The following CCDC102B variants were observed in gnomAD, a reference collection of about 807,000 sequenced individuals.
CCDC102B encodes the protein coiled-coil domain containing 102B, also known as coiled-coil domain-containing protein 102B.
A neutral mutation model predicts 57.4 loss-of-function variants in CCDC102B; 75 were observed. The observed-to-expected ratio is 1.31, with a 90% confidence interval of 1.08 to 1.58. CCDC102B has a LOEUF of 1.58. CCDC102B is among the 40% of genes most tolerant of loss of function. The probability of loss-of-function intolerance (pLI) is 0.00; values close to 1 mark genes in which losing one functional copy is unlikely to be tolerated. For missense variants in CCDC102B, 636 were observed against 582.6 expected (o/e 1.09, Z -0.94); for synonymous variants, 206 against 201.9 (o/e 1.02, Z -0.17).
chr18:68,940,851 C>G (rs1204258677), intron 6 of CCDC102B, among the ~76,000 whole-genome samples: 1 of 151,598 alleles, frequency 6.6e-6, no homozygotes, highest in Non-Finnish European at 1.5e-5. Flanking sequence ...AATGAAATAC[C>G]TTTGTCAGAA....
chr18:68,727,592 G>A (rs886618905), intron 2 of CCDC102B, among the ~76,000 whole-genome samples: 6 of 152,232 alleles, frequency 3.9e-5, no homozygotes, highest in African/African-American at 7.2e-5. Context: ...AGGACTTTCT[G>A]AAAAGCCATC....
chr18:68,998,989 TATATATATATAGAGAG>T (rs1277758807), intron 6 of CCDC102B, among the ~76,000 whole-genome samples: 815 of 74,994 alleles, frequency 0.011, 2 homozygotes, highest in Non-Finnish European at 0.012. Context: ...TATATATATA[TATATATATATAGAGAG>T]AGAGAGAGAG....
chr18:69,032,684 G>C (rs1317366750), intron 7 of CCDC102B, among the ~76,000 whole-genome samples: 2 of 152,112 alleles, frequency 1.3e-5, no homozygotes, highest in African/African-American at 2.4e-5. Flanking sequence ...TACTTCTACT[G>C]CAAGTGATCT....
At chr18:68,837,481 C>A in intron 2 of CCDC102B, 112 bp downstream of exon 2, 2 of 942,684 alleles carry the variant, frequency 2.1e-6, no homozygotes, top group South Asian at 1.6e-5. Context: ...CCAGGGCTAC[C>A]ATAACAAAGT....
At chr18:68,973,367 T>C (rs1227498765) in intron 6 of CCDC102B, among the ~76,000 whole-genome samples, 1 of 152,124 alleles carries the variant, frequency 6.6e-6, no homozygotes, top group Non-Finnish European at 1.5e-5. Flanking sequence ...TAAATCAATT[T>C]TGTTTTTGTT....
chr18:69,056,112 T>A (rs568023673), downstream of CCDC102B, among the ~76,000 whole-genome samples: 1 of 152,116 alleles, frequency 6.6e-6, no homozygotes, highest in Admixed American at 6.6e-5. Flanking sequence ...ATGACGAAGT[T>A]GAGATGTGAT....
intron 2 of CCDC102B, among the ~76,000 whole-genome samples, chr18:68,837,987 G>A (rs1298028540): frequency 6.6e-6 from 1 of 152,166 alleles, no homozygotes; most frequent in Non-Finnish European, 1.5e-5. Flanking sequence ...TAAAATAAAA[G>A]TGAAGTATCA....
intron 1 of CCDC102B, among the ~76,000 whole-genome samples, chr18:68,812,358 T>C (rs1263240787): frequency 6.6e-6 from 1 of 152,202 alleles, no homozygotes; most frequent in Non-Finnish European, 1.5e-5. Context: ...AACTAAAGAC[T>C]CTACTTCAGA....
At chr18:68,827,188 A>C (rs1454398831) in intron 1 of CCDC102B, among the ~76,000 whole-genome samples, 1 of 152,136 alleles carries the variant, frequency 6.6e-6, no homozygotes, top group Non-Finnish European at 1.5e-5. Flanking sequence ...AAATTCTATA[A>C]ACAGAAACAA....
At position 68,891,095 on chromosome 18, in the gene CCDC102B, T is replaced by C. The variant is rs578087210; in HGVS notation, c.1054-6124T>C. ...TTATCTGTATCTCTTTTAAACTGTTTCCTAATAATGTTAATGCATGTGGTT... is the reference window on the plus strand; with the variant it reads ...TTATCTGTATCTCTTTTAAACTGTTCCCTAATAATGTTAATGCATGTGGTT... On this transcript the variant is annotated intron_variant, in intron 5 of 7. Transcript: ENST00000360242. 8.0e-4 allele frequency among the ~76,000 whole-genome samples: 122 copies of C among 152,320 alleles called. 1 individual carries two copies. Among genetic ancestry groups the C allele is most frequent in the African/African-American group, 2.7e-3 (111 of 41,590 alleles).
At chr18:68,765,293 A>G (rs867951881) in intron 2 of CCDC102B, among the ~76,000 whole-genome samples, 257 of 104,136 alleles carry the variant, frequency 2.5e-3, no homozygotes, top group Middle Eastern at 0.011. Context: ...GAAAAGAAAG[A>G]AAGGAAGGAA....
intron 6 of CCDC102B, among the ~76,000 whole-genome samples, chr18:68,986,162 C>T (rs1323365391): frequency 6.6e-6 from 1 of 152,114 alleles, no homozygotes; most frequent in Non-Finnish European, 1.5e-5. Flanking sequence ...GTGACAACAG[C>T]ATCAGCCTGA....
At chr18:69,009,803 GTATATAAAGTAA>G (rs1368416049) in intron 6 of CCDC102B, among the ~76,000 whole-genome samples, 3 of 149,908 alleles carry the variant, frequency 2.0e-5, no homozygotes, top group Non-Finnish European at 4.4e-5. Flanking sequence ...TGTGATTTTT[GTATATAAAGTAA>G]TATGACAGCA....
chr18:68,990,184 C>G (rs1478656029), intron 6 of CCDC102B, among the ~76,000 whole-genome samples: 1 of 152,196 alleles, frequency 6.6e-6, no homozygotes, highest in African/African-American at 2.4e-5. Flanking sequence ...CTCCTAGTGG[C>G]ACATGTTAAT....
intron 6 of CCDC102B, among the ~76,000 whole-genome samples, chr18:68,990,548 G>T (rs2145322184): frequency 6.6e-6 from 1 of 152,278 alleles, no homozygotes; most frequent in South Asian, 2.1e-4. Flanking sequence ...TTATGTGTTT[G>T]TGTGTATACA....
intron 4 of CCDC102B, among the ~76,000 whole-genome samples, chr18:68,872,281 T>C (rs2039268188): frequency 6.6e-6 from 1 of 151,990 alleles, no homozygotes; most frequent in Non-Finnish European, 1.5e-5. Flanking sequence ...CACTTAAAAA[T>C]TGCCAGCATT....
At chr18:68,957,944 C>G (rs2049945696) in intron 6 of CCDC102B, among the ~76,000 whole-genome samples, 1 of 152,096 alleles carries the variant, frequency 6.6e-6, no homozygotes, top group Admixed American at 6.6e-5. Flanking sequence ...TTTCAAGCTG[C>G]TGATAAAGAC....
At chr18:68,991,123 C>CTTT (rs11368924) in intron 6 of CCDC102B, among the ~76,000 whole-genome samples, 111,505 of 136,138 alleles carry the variant, frequency 0.82, 48,715 homozygotes, top group Non-Finnish European at 0.96. Flanking sequence ...GGCCCTTCTG[C>CTTT]TTTTTTTTTT....
At chr18:69,024,731 G>A (rs984502265) in intron 7 of CCDC102B, among the ~76,000 whole-genome samples, 1 of 151,870 alleles carries the variant, frequency 6.6e-6, no homozygotes, top group Non-Finnish European at 1.5e-5. Context: ...GGCTAATTAC[G>A]TTTGAATAAA....
Sources: allele counts gnomAD v4.1 joint callset (sites outside exome capture counted in the v4.1 genomes callset), GRCh38; gene constraint gnomAD v4.1.1; transcripts MANE v1.5; gene names NCBI Gene and HGNC (gene_info 2026-07-23, HGNC 2026-07-21).